TPTE2: variants seen among roughly 807,000 people sequenced by gnomAD.
TPTE2 encodes the protein phosphatidylinositol 3,4,5-trisphosphate 3-phosphatase TPTE2.
In TPTE2, 53 loss-of-function variants were observed where a neutral mutation model predicts 78.6. The observed-to-expected ratio is 0.67, with a 90% CI of 0.54 to 0.85. TPTE2 has a LOEUF of 0.85. TPTE2 is among the 40% of genes least tolerant of loss of function. The pLI is 0.00. For missense variants in TPTE2, 461 were observed against 623.0 expected, an observed-to-expected ratio of 0.74 and a Z score of 2.77; for synonymous variants, 175 against 206.2, an observed-to-expected ratio of 0.85 and a Z score of 1.30.
chr13:19,445,845 A>G (rs7991718), intron 13 of TPTE2, among the ~76,000 whole-genome samples: 148,835 of 152,306 alleles, frequency 0.98, 72,817 homozygotes, highest in East Asian at 1. Flanking sequence ...GGAGGCTCAG[A>G]CATGAGAATT....
At chr13:19,509,410 C>A (rs1222978659) in intron 1 of TPTE2, among the ~76,000 whole-genome samples, 1 of 152,014 alleles carries the variant, frequency 6.6e-6, no homozygotes, top group Non-Finnish European at 1.5e-5. Context: ...GAGTGAATAT[C>A]CAAATACAAT....
the TPTE2 span, among the ~76,000 whole-genome samples, chr13:19,559,603 C>A: frequency 6.5e-4 from 99 of 151,416 alleles, 1 homozygote; most frequent in African/African-American, 2.1e-3. Context: ...CCTTTGCTCT[C>A]CAAGTCCCAC....
the TPTE2 span, among the ~76,000 whole-genome samples, chr13:19,554,372 CT>C: frequency 2.1e-5 from 1 of 47,650 alleles, no homozygotes. Flanking sequence ...AAGATTCTGT[CT>C]CAAAAAATAA....
intron 1 of TPTE2, among the ~76,000 whole-genome samples, chr13:19,533,117 T>C (rs1870985430): frequency 6.6e-6 from 1 of 152,174 alleles, no homozygotes; most frequent in Non-Finnish European, 1.5e-5. Context: ...CCATTATCAT[T>C]TAGTTAATAT....
chr13:19,502,607 A>C (rs1288650454), intron 1 of TPTE2, among the ~76,000 whole-genome samples: 1 of 137,836 alleles, frequency 7.3e-6, no homozygotes, highest in African/African-American at 2.7e-5. Context: ...ATGAGATCAC[A>C]TGGACACAGG....
At chr13:19,450,655 C>T (rs1878117101) in intron 11 of TPTE2, among the ~76,000 whole-genome samples, 1 of 152,060 alleles carries the variant, frequency 6.6e-6, no homozygotes, top group Non-Finnish European at 1.5e-5. Flanking sequence ...ATGTAGCTGA[C>T]CAAAATGTTT....
chr13:19,555,815 T>C, the TPTE2 span, among the ~76,000 whole-genome samples: 11 of 139,086 alleles, frequency 7.9e-5, no homozygotes, highest in African/African-American at 2.4e-4. Context: ...TTTTTTTTTT[T>C]TTTTTTTTTT....
chr13:19,523,734 C>T (rs1382599059), intron 1 of TPTE2, among the ~76,000 whole-genome samples: 1 of 152,128 alleles, frequency 6.6e-6, no homozygotes, highest in African/African-American at 2.4e-5. Context: ...CCTCAGCCTC[C>T]CAAAGGGATT....
At chr13:19,543,884 G>A in the TPTE2 span, among the ~76,000 whole-genome samples, 1 of 151,246 alleles carries the variant, frequency 6.6e-6, no homozygotes, top group African/African-American at 2.4e-5. Flanking sequence ...GCAATATGGC[G>A]AAACCCTGTC....
chr13:19,508,624 C>A (rs1869229571), intron 1 of TPTE2, among the ~76,000 whole-genome samples: 1 of 151,756 alleles, frequency 6.6e-6, no homozygotes, highest in African/African-American at 2.4e-5. Flanking sequence ...AGGAACTTAC[C>A]CAGAAAATAG....
chr13:19,473,757 A>G (rs1879769577), intron 6 of TPTE2, among the ~76,000 whole-genome samples, 157 bp downstream of exon 9: 1 of 151,910 alleles, frequency 6.6e-6, no homozygotes, highest in South Asian at 2.1e-4. Flanking sequence ...CACCATGCCC[A>G]GCTAATTTTT....
At chr13:19,429,129 C>T (rs1876363954) in intron 17 of TPTE2, among the ~76,000 whole-genome samples, 1 of 152,184 alleles carries the variant, frequency 6.6e-6, no homozygotes, top group South Asian at 2.1e-4. Context: ...ACCATGGGCA[C>T]ACAGTGTGTC....
upstream of TPTE2, among the ~76,000 whole-genome samples, chr13:19,506,438 G>T (rs1394362388): frequency 6.6e-6 from 1 of 152,028 alleles, no homozygotes; most frequent in African/African-American, 2.4e-5. Flanking sequence ...CTCCCAAAGT[G>T]CTGGGATTAC....
chr13:19,430,015 C>T (rs1279368242), intron 17 of TPTE2, among the ~76,000 whole-genome samples: 1 of 152,074 alleles, frequency 6.6e-6, no homozygotes, highest in Non-Finnish European at 1.5e-5. Context: ...CCAGATTTCC[C>T]GAATCATACT....
chr13:19,467,455 T>A, intron 6 of TPTE2, 111 bp from the exon 10 acceptor site: 1 of 811,502 alleles, frequency 1.2e-6, no homozygotes. Flanking sequence ...TCTACTATCA[T>A]GAATTATTTA....
chr13:19,464,764 T>G (rs1361867461), intron 9 of TPTE2, among the ~76,000 whole-genome samples: 1 of 152,260 alleles, frequency 6.6e-6, no homozygotes, highest in Non-Finnish European at 1.5e-5. Flanking sequence ...CATGTACTTA[T>G]GATGGCCTCA....
rs1412497701 is a variant in TPTE2 at position 19,486,972 on chromosome 13, T to C, written c.120-4425A>G. 5.3e-5 allele frequency among the ~76,000 whole-genome samples: 8 copies of C among 152,180 alleles called. No homozygotes were observed. The highest frequency in any genetic ancestry group is 8.8e-5 in the Non-Finnish European group (6 of 68,020). On this transcript the variant is annotated intron_variant, in intron 3 of 19. Transcript: ENST00000400230. This position sits in a 1 kb window ranked among gnomAD's most constrained non-coding sequence, Gnocchi z 4.3. ...GGCCTAGGGGCATGTCTTCTGGAAG[T>C]AGCCCATGGAGCTCTTTCTTAGGTC... is the stretch of plus-strand genomic sequence containing the variant.
At chr13:19,479,203 A>G (rs1440992150) in intron 4 of TPTE2, among the ~76,000 whole-genome samples, 1 of 152,172 alleles carries the variant, frequency 6.6e-6, no homozygotes, top group Non-Finnish European at 1.5e-5. Context: ...ATGATTCTAA[A>G]AGTAAAGATA....
At chr13:19,450,307 C>G in exon 12 of TPTE2, 2 of 1,611,046 alleles carry the variant, frequency 1.2e-6, no homozygotes, top group Non-Finnish European at 1.7e-6. Flanking sequence ...TTCTACTGAC[C>G]CTATTATGGA....
Sources: gnomAD v4.1 joint callset for allele counts (sites outside exome capture counted in the v4.1 genomes callset) on GRCh38, gnomAD v4.1.1 for gene constraint, Gnocchi (gnomAD v3.1) non-coding constraint, MANE v1.5 for transcripts, NCBI Gene and HGNC (gene_info 2026-07-23, HGNC 2026-07-21) for gene names.